Variants in CACNA2D3 observed in about 807,000 individuals in gnomAD.
CACNA2D3 encodes voltage-dependent calcium channel subunit alpha-2/delta-3.
In CACNA2D3, 60 loss-of-function variants were observed where a neutral mutation model predicts 160.6. The observed-to-expected ratio is 0.37, with a 90% CI of 0.30 to 0.46. CACNA2D3 has a LOEUF of 0.46. Ranked by LOEUF, CACNA2D3 falls within the 20% of genes least tolerant of loss-of-function variation. The pLI, the probability that CACNA2D3 is intolerant of heterozygous loss-of-function variation, is 1.00. For synonymous variants in CACNA2D3, 558 were observed against 492.9 expected (o/e 1.13, Z -1.75); for missense variants, 1,205 against 1,365.0 (o/e 0.88, Z 1.85).
chr3:54,496,293 T>C (rs1473866254), intron 4 of CACNA2D3, among the ~76,000 whole-genome samples: 1 of 152,234 alleles, frequency 6.6e-6, no homozygotes, highest in East Asian at 1.9e-4. Context: ...ATTTGATTGC[T>C]CCATATCCTT....
chr3:54,792,590 G>A (rs890615876), intron 13 of CACNA2D3, among the ~76,000 whole-genome samples: 1 of 152,138 alleles, frequency 6.6e-6, no homozygotes, highest in Non-Finnish European at 1.5e-5. Context: ...TTTATTTTCA[G>A]ATGAGGCTTT....
At chr3:55,026,205 T>A (rs1465504615) in intron 35 of CACNA2D3, among the ~76,000 whole-genome samples, 1 of 152,214 alleles carries the variant, frequency 6.6e-6, no homozygotes, top group South Asian at 2.1e-4. Flanking sequence ...TTCTTATTGC[T>A]AACTTGTGAG....
At chr3:54,905,038 T>G (rs1249183648) in intron 27 of CACNA2D3, among the ~76,000 whole-genome samples, 1 of 152,238 alleles carries the variant, frequency 6.6e-6, no homozygotes, top group South Asian at 2.1e-4. Flanking sequence ...CATCAGCAGA[T>G]AAAAAGGAGT....
intron 30 of CACNA2D3, among the ~76,000 whole-genome samples, chr3:54,986,691 G>A (rs1227186224): frequency 1.3e-5 from 2 of 152,178 alleles, no homozygotes; most frequent in African/African-American, 4.8e-5. Context: ...AAAGCCTACG[G>A]AATATACATA....
At chr3:54,921,293 A>C (rs1293535789) in intron 27 of CACNA2D3, among the ~76,000 whole-genome samples, 2 of 152,164 alleles carry the variant, frequency 1.3e-5, no homozygotes, top group Admixed American at 1.3e-4. Context: ...CTGCTTGCTC[A>C]TCTGGAAAGT....
chr3:54,424,760 C>A (rs912257371), intron 4 of CACNA2D3, among the ~76,000 whole-genome samples: 1 of 152,180 alleles, frequency 6.6e-6, no homozygotes, highest in African/African-American at 2.4e-5. Context: ...CTGCATCCTC[C>A]CATCCCCACA....
chr3:54,510,412 G>T (rs759061656), intron 5 of CACNA2D3, among the ~76,000 whole-genome samples: 1 of 152,180 alleles, frequency 6.6e-6, no homozygotes. Context: ...TTCTTCCACA[G>T]CCTCTGTTCT....
At chr3:54,403,590 C>T (rs1699513685) in intron 4 of CACNA2D3, among the ~76,000 whole-genome samples, 1 of 151,164 alleles carries the variant, frequency 6.6e-6, no homozygotes, top group South Asian at 2.1e-4. Flanking sequence ...CCTCAAGGAA[C>T]TAGAAAAAGA....
chr3:54,322,904 C>G lies in CACNA2D3; in HGVS notation c.321+2346C>G, dbSNP rs551745840. Among the ~76,000 whole-genome samples, 8 of 152,090 alleles carry G rather than the reference C, an allele frequency of 5.3e-5. 1 individual carries two copies. The South Asian group carries it at 1.5e-3, about 28-fold the overall frequency. On this transcript the variant is annotated intron_variant, in intron 3 of 37. Transcript: ENST00000474759. ...TGCTCTGTTTAAATTGAAATATTCC[C>G]AGAATAAAGGCAGCCAGATTCCTTG...
intron 11 of CACNA2D3, among the ~76,000 whole-genome samples, chr3:54,701,734 A>G (rs1700770782): frequency 6.6e-6 from 1 of 152,232 alleles, no homozygotes. Context: ...TCACAGAACT[A>G]GAATAAACTA....
chr3:54,273,364 C>G (rs900904482), intron 2 of CACNA2D3, among the ~76,000 whole-genome samples: 1 of 152,150 alleles, frequency 6.6e-6, no homozygotes, highest in South Asian at 2.1e-4. Context: ...GTCTCTTTGT[C>G]TGTGTCTGTC....
chr3:54,533,622 A>G (rs982032357), intron 5 of CACNA2D3, among the ~76,000 whole-genome samples: 2 of 152,128 alleles, frequency 1.3e-5, no homozygotes, highest in African/African-American at 4.8e-5. Flanking sequence ...GGTGTGAGCC[A>G]CAGCACCCAG....
intron 26 of CACNA2D3, among the ~76,000 whole-genome samples, chr3:54,897,235 A>G (rs1700212101): frequency 6.6e-6 from 1 of 152,178 alleles, no homozygotes; most frequent in South Asian, 2.1e-4. Context: ...ACATCCCTGC[A>G]GAGGTCCACT....
chr3:54,295,427 C>T (rs201889402), intron 2 of CACNA2D3, among the ~76,000 whole-genome samples: 2 of 151,986 alleles, frequency 1.3e-5, no homozygotes, highest in African/African-American at 4.8e-5. Flanking sequence ...GTCCTGAAGA[C>T]GTGCCCAAGG....
intron 27 of CACNA2D3, among the ~76,000 whole-genome samples, chr3:54,900,103 G>A (rs2106888660): frequency 6.6e-6 from 1 of 152,348 alleles, no homozygotes; most frequent in South Asian, 2.1e-4. Flanking sequence ...CTTAAACTCT[G>A]AGCCAGTAAG....
chr3:54,885,164 C>T lies in CACNA2D3; in HGVS notation c.1913-117C>T, dbSNP rs574018652. The T allele has an allele frequency of 1.6e-5, 15 of 966,800 alleles. No homozygotes were observed. In the East Asian group the frequency reaches 3.6e-4, roughly 23 times the overall value. 59.9% of individuals were successfully genotyped at this position (966,800 alleles called of 1,614,324 possible). On this transcript the variant is annotated intron_variant, in intron 21 of 37. Coordinates refer to ENST00000474759, the MANE Select transcript of CACNA2D3 (RefSeq NM_018398.3). ...AAACCTGCTGCTCCAAGGCAGGTCC[C>T]TTAGGGTTGATGTCTACCCTTAACC...
chr3:54,681,556 C>CA (rs79551640), intron 11 of CACNA2D3, among the ~76,000 whole-genome samples: 656 of 64,860 alleles, frequency 0.01, 7 homozygotes, highest in East Asian at 0.032. Flanking sequence ...GACTCCATCT[C>CA]AAAAAAAAAA....
intron 14 of CACNA2D3, among the ~76,000 whole-genome samples, chr3:54,827,441 C>G (rs184040407): frequency 6.6e-6 from 1 of 152,152 alleles, no homozygotes; most frequent in Admixed American, 6.6e-5. Flanking sequence ...GAGTAACCTT[C>G]TCCAGCATGT....
chr3:54,365,512 T>C (rs1235739732), intron 3 of CACNA2D3, among the ~76,000 whole-genome samples: 1 of 152,166 alleles, frequency 6.6e-6, no homozygotes, highest in Non-Finnish European at 1.5e-5. Context: ...CCTACATTCA[T>C]CCTATTTTCA....
Sources: gnomAD v4.1 joint callset for allele counts (sites outside exome capture counted in the v4.1 genomes callset) on GRCh38, gnomAD v4.1.1 for gene constraint, MANE v1.5 for transcripts, NCBI Gene and HGNC (gene_info 2026-07-23, HGNC 2026-07-21) for gene names.